Variants in NMNAT2 observed in about 807,000 individuals in gnomAD.
The protein encoded by NMNAT2 is nicotinamide/nicotinic acid mononucleotide adenylyltransferase 2.
A neutral mutation model predicts 41.6 loss-of-function variants in NMNAT2; 11 were observed. The ratio of observed to expected loss-of-function variants is 0.26; its 90% CI spans 0.17 to 0.44. The LOEUF (loss-of-function observed/expected upper bound fraction) is 0.44, where lower values mean the gene tolerates loss of function less well. Among genes scored for constraint, NMNAT2 ranks in the 20% least tolerant of loss-of-function variants. The pLI, the probability that NMNAT2 is intolerant of heterozygous loss-of-function variation, is 1.00. For synonymous variants in NMNAT2, 148 were observed against 151.2 expected, an observed-to-expected ratio of 0.98 and a Z score of 0.16; for missense variants, 288 against 407.7, an observed-to-expected ratio of 0.71 and a Z score of 2.53.
chr1:183,290,059 C>T, intron 4 of NMNAT2, 69 bp downstream of exon 4: 1 of 1,285,798 alleles, frequency 7.8e-7, no homozygotes, highest in Non-Finnish European at 1.1e-6. Flanking sequence ...TGCCTGGTTT[C>T]TGTGGGTCCA....
intron 1 of NMNAT2, among the ~76,000 whole-genome samples, chr1:183,307,562 C>T (rs1351175696): frequency 2.0e-5 from 3 of 152,108 alleles, no homozygotes; most frequent in Non-Finnish European, 4.4e-5. Context: ...CCTGCCTCAG[C>T]TTACCAAGTA....
At chr1:183,317,353 T>A (rs970777854) in intron 1 of NMNAT2, among the ~76,000 whole-genome samples, 6 of 152,248 alleles carry the variant, frequency 3.9e-5, no homozygotes, top group African/African-American at 1.4e-4. Context: ...CTGGCTCAAG[T>A]GATCCTGCTG....
intron 1 of NMNAT2, among the ~76,000 whole-genome samples, chr1:183,386,702 T>C (rs1234474628): frequency 6.6e-6 from 1 of 152,154 alleles, no homozygotes; most frequent in Non-Finnish European, 1.5e-5. Flanking sequence ...GACATTCTTG[T>C]GTCAACATTT....
chr1:183,273,788 T>C (rs571461769), intron 8 of NMNAT2, among the ~76,000 whole-genome samples: 79 of 150,744 alleles, frequency 5.2e-4, no homozygotes, highest in African/African-American at 1.8e-3. Context: ...TCTTTCTTTC[T>C]TCCTCTCTCT....
chr1:183,355,058 C>T (rs749921897), intron 1 of NMNAT2, among the ~76,000 whole-genome samples: 18 of 152,190 alleles, frequency 1.2e-4, no homozygotes, highest in Non-Finnish European at 2.2e-4. Flanking sequence ...CCATGCAACC[C>T]CTGGCCCACC....
intron 1 of NMNAT2, among the ~76,000 whole-genome samples, chr1:183,349,383 G>A (rs1414542834): frequency 6.6e-6 from 1 of 152,242 alleles, no homozygotes; most frequent in Non-Finnish European, 1.5e-5. Context: ...ATCCTTAAAT[G>A]GTCATAGACA....
At chr1:183,316,422 G>C (rs1662251794) in intron 1 of NMNAT2, among the ~76,000 whole-genome samples, 1 of 152,132 alleles carries the variant, frequency 6.6e-6, no homozygotes, top group African/African-American at 2.4e-5. Flanking sequence ...TGAAAAGAGA[G>C]CAAAATCCAT....
At chr1:183,415,913 A>G (rs1649237845) in intron 1 of NMNAT2, among the ~76,000 whole-genome samples, 1 of 152,216 alleles carries the variant, frequency 6.6e-6, no homozygotes, top group Non-Finnish European at 1.5e-5. Flanking sequence ...TAGTGAGTGA[A>G]CATATTATAT....
chr1:183,271,680 CG>C (rs35207673), intron 8 of NMNAT2, among the ~76,000 whole-genome samples: 15,135 of 152,056 alleles, frequency 0.1, 877 homozygotes, highest in East Asian at 0.2. Flanking sequence ...ATACATGCTA[CG>C]TTTATCCTGG....
intron 4 of NMNAT2, among the ~76,000 whole-genome samples, chr1:183,287,198 G>A (rs1010199398): frequency 7.2e-5 from 11 of 152,140 alleles, no homozygotes; most frequent in African/African-American, 2.4e-4. Context: ...AGCAGCAGGC[G>A]ATGCTGGAAC....
intron 3 of NMNAT2, among the ~76,000 whole-genome samples, chr1:183,292,096 C>T (rs1218588764): frequency 6.6e-6 from 1 of 152,246 alleles, no homozygotes; most frequent in African/African-American, 2.4e-5. Context: ...GGGGAAATTA[C>T]AGCACAAATG....
intron 1 of NMNAT2, among the ~76,000 whole-genome samples, chr1:183,389,744 GA>G (rs1408453092): frequency 4.5e-4 from 3 of 6,732 alleles, no homozygotes; most frequent in Non-Finnish European, 8.7e-4. Context: ...AAAAAAGAAA[GA>G]AAGAAAGAAA....
At position 183,384,190 on chromosome 1, in the gene NMNAT2, C is replaced by A. The variant is rs190183314; in HGVS notation, c.85+33993G>T. Among the ~76,000 whole-genome samples the A allele has an allele frequency of 7.1e-4, 105 of 148,894 alleles. 1 individual carries two copies. The highest frequency in any genetic ancestry group is 3.5e-4 in the Non-Finnish European group (24 of 67,960). On this transcript the variant is annotated intron_variant, in intron 1 of 10. Coordinates refer to ENST00000287713, the MANE Select transcript of NMNAT2 (RefSeq NM_015039.4). Reference sequence around the variant, plus strand: ...AGAAGGAAGATAGTGAACAAGGAGGCGCTACACACTTTTATGTTTTATTTT... The same window carrying A: ...AGAAGGAAGATAGTGAACAAGGAGGAGCTACACACTTTTATGTTTTATTTT...
At chr1:183,319,661 T>A (rs1662320897) in intron 1 of NMNAT2, among the ~76,000 whole-genome samples, 1 of 152,192 alleles carries the variant, frequency 6.6e-6, no homozygotes, top group Admixed American at 6.5e-5. Context: ...TCTCTCTCTC[T>A]CTTCCCCTCT....
chr1:183,334,423 C>A (rs1662642863), intron 1 of NMNAT2, among the ~76,000 whole-genome samples: 1 of 152,026 alleles, frequency 6.6e-6, no homozygotes, highest in African/African-American at 2.4e-5. Context: ...GACTGAAAGC[C>A]CAGATTCAAC....
chr1:183,304,220 G>A (rs1054017937), intron 1 of NMNAT2, among the ~76,000 whole-genome samples: 8 of 152,218 alleles, frequency 5.3e-5, no homozygotes, highest in Admixed American at 1.3e-4. Context: ...TTGGAAAAGC[G>A]TGCAGCACGT....
chr1:183,262,030 A>G (rs925858161), intron 8 of NMNAT2, among the ~76,000 whole-genome samples: 23 of 152,034 alleles, frequency 1.5e-4, no homozygotes, highest in African/African-American at 5.6e-4. Context: ...GTCTCAAGCA[A>G]TCTTCCCACC....
chr1:183,369,678 T>C (rs879678030), intron 1 of NMNAT2, among the ~76,000 whole-genome samples: 2 of 152,262 alleles, frequency 1.3e-5, no homozygotes, highest in Admixed American at 6.5e-5. Context: ...ATTGCCACTG[T>C]TGAGCAGCCG....
intron 1 of NMNAT2, among the ~76,000 whole-genome samples, chr1:183,401,763 T>G (rs1014117473): frequency 6.6e-6 from 1 of 152,048 alleles, no homozygotes; most frequent in African/African-American, 2.4e-5. Context: ...ATGTCCTTTG[T>G]AGGGACATGG....
Sources: allele counts gnomAD v4.1 joint callset (sites outside exome capture counted in the v4.1 genomes callset), GRCh38; gene constraint gnomAD v4.1.1; transcripts MANE v1.5; gene names NCBI Gene and HGNC (gene_info 2026-07-23, HGNC 2026-07-21).